FNDC3A: variants seen among roughly 807,000 people sequenced by gnomAD.
FNDC3A encodes fibronectin type-III domain-containing protein 3A.
FNDC3A carries 32 observed loss-of-function variants against 148.9 expected under a neutral mutation model. The ratio of observed to expected loss-of-function variants is 0.21; its 90% confidence interval spans 0.16 to 0.29. FNDC3A has a LOEUF of 0.29. FNDC3A is among the 10% of genes least tolerant of loss of function. The pLI is 1.00. For synonymous variants in FNDC3A, 472 were observed against 473.6 expected (o/e 1.00, Z 0.04); for missense variants, 1,191 against 1,452.8 (o/e 0.82, Z 2.93).
chr13:48,992,414 A>G (rs563995655), intron 1 of FNDC3A, among the ~76,000 whole-genome samples: 1 of 152,348 alleles, frequency 6.6e-6, no homozygotes, highest in East Asian at 1.9e-4. Flanking sequence ...ACTGCTATCT[A>G]GAATATATAA....
In FNDC3A at chr13:49,073,366, T is replaced by C. The variant is rs958576322; in HGVS notation, c.100-1923T>C. 3.9e-5 allele frequency among the ~76,000 whole-genome samples: 6 copies of C among 151,922 alleles called. No individual in the cohort carries two copies. The South Asian group carries it at 1.0e-3, about 26-fold the overall frequency. Reference sequence around the variant, plus strand: ...TTTACAAAAGAGCTGGTAACAAACTTAGACATAACAATCAAAGAAGGATAA... The same window carrying C: ...TTTACAAAAGAGCTGGTAACAAACTCAGACATAACAATCAAAGAAGGATAA... On this transcript the variant is annotated intron_variant, in intron 2 of 25. Transcript: ENST00000492622.
intron 2 of FNDC3A, among the ~76,000 whole-genome samples, chr13:49,048,530 T>C (rs954231833): frequency 6.6e-6 from 1 of 152,168 alleles, no homozygotes; most frequent in South Asian, 2.1e-4. Flanking sequence ...TAGACGTCTT[T>C]CACCTCCTTG....
intron 11 of FNDC3A, among the ~76,000 whole-genome samples, chr13:49,172,661 C>G (rs1378368497): frequency 6.6e-6 from 1 of 152,120 alleles, no homozygotes; most frequent in Non-Finnish European, 1.5e-5. Context: ...ATCTGTCTTC[C>G]TTTTTTAGGA....
chr13:49,165,468 C>T (rs998773747), intron 8 of FNDC3A, among the ~76,000 whole-genome samples: 1 of 152,146 alleles, frequency 6.6e-6, no homozygotes, highest in Non-Finnish European at 1.5e-5. Context: ...TCCACAGTGG[C>T]TTAGGGTGCA....
intron 3 of FNDC3A, among the ~76,000 whole-genome samples, chr13:49,113,143 C>T (rs1222448074): frequency 6.7e-6 from 1 of 148,656 alleles, no homozygotes; most frequent in Non-Finnish European, 1.5e-5. Context: ...TTCTTGTCTT[C>T]TCTTCACTCT....
intron 14 of FNDC3A, among the ~76,000 whole-genome samples, chr13:49,181,916 A>G (rs968078700): frequency 6.6e-6 from 1 of 152,234 alleles, no homozygotes; most frequent in Non-Finnish European, 1.5e-5. Flanking sequence ...TAACCAAAAT[A>G]CTAAAACAAG....
intron 6 of FNDC3A, among the ~76,000 whole-genome samples, chr13:49,137,240 A>G (rs75542376): frequency 0.039 from 5,944 of 152,032 alleles, 354 homozygotes; most frequent in African/African-American, 0.13. Context: ...AGTATTTTTC[A>G]TTTCTTTCTT....
At chr13:49,203,899 G>A (rs1167398239) in intron 25 of FNDC3A, among the ~76,000 whole-genome samples, 1 of 152,166 alleles carries the variant, frequency 6.6e-6, no homozygotes, top group African/African-American at 2.4e-5. Flanking sequence ...AGGTGGTATG[G>A]AGTGACGTAA....
intron 3 of FNDC3A, among the ~76,000 whole-genome samples, chr13:49,079,325 G>C (rs981247259): frequency 3.9e-5 from 6 of 152,160 alleles, no homozygotes; most frequent in Admixed American, 3.9e-4. Flanking sequence ...ACAGTGTCAT[G>C]GGGGAAAAAA....
At chr13:49,084,916 G>A (rs961884460) in intron 3 of FNDC3A, among the ~76,000 whole-genome samples, 5 of 152,020 alleles carry the variant, frequency 3.3e-5, no homozygotes, top group African/African-American at 7.3e-5. Context: ...AACCAGCCCC[G>A]GTGCTTCTGG....
intron 14 of FNDC3A, among the ~76,000 whole-genome samples, chr13:49,179,559 T>C (rs748637320): frequency 2.2e-4 from 33 of 152,242 alleles, no homozygotes; most frequent in Non-Finnish European, 4.1e-4. Flanking sequence ...TGGTGATTTT[T>C]AAAATTTTAT....
At chr13:49,190,064 T>G (rs1440124780) in intron 17 of FNDC3A, among the ~76,000 whole-genome samples, 3 of 152,018 alleles carry the variant, frequency 2.0e-5, no homozygotes, top group Non-Finnish European at 4.4e-5. Flanking sequence ...TTTTTTGTAT[T>G]TTTAGTAGAG....
chr13:49,006,654 C>T (rs1489350481), intron 2 of FNDC3A, among the ~76,000 whole-genome samples: 7 of 151,812 alleles, frequency 4.6e-5, no homozygotes, highest in African/African-American at 7.2e-5. Context: ...AATAATGAAA[C>T]GTTGTCTTTT....
intron 1 of FNDC3A, chr13:48,988,006 T>G (rs892037979): frequency 6.6e-6 from 1 of 152,120 alleles, no homozygotes; most frequent in Non-Finnish European, 1.5e-5. Flanking sequence ...TCATGAAGCG[T>G]TCTGTATTTT....
At chr13:49,046,314 CT>C (rs1457655553) in intron 2 of FNDC3A, 2 of 165,616 alleles carry the variant, frequency 1.2e-5, no homozygotes, top group African/African-American at 4.8e-5. Context: ...TATAAGGCAG[CT>C]TGATTCAGGA....
At position 49,136,524 on chromosome 13, in the gene FNDC3A, G is replaced by T; in HGVS notation, c.683G>T (p.Gly228Val). The part of the protein sequence containing the change: ...HNGLIKGQIA[G>V]GINTGSAKIK... The stretch of plus-strand genomic sequence containing the variant: ...GGACTTATAAAAGGACAAATTGCTG[G>T]TGGTATAAACACAGGATCAGCAAAA... The change falls in exon 6 of 26, where the codon GGT becomes GTT. Residue 228 changes from glycine (G) to valine (V), a missense_variant. Transcript: ENST00000492622. 3 of 1,614,064 alleles carry T rather than the reference G, an allele frequency of 1.9e-6. No individual in the cohort carries two copies. The highest frequency in any genetic ancestry group is 2.5e-6 in the Non-Finnish European group (3 of 1,179,962).
At chr13:48,985,809 C>T (rs752580456) in intron 1 of FNDC3A, among the ~76,000 whole-genome samples, 3 of 152,130 alleles carry the variant, frequency 2.0e-5, no homozygotes, top group Non-Finnish European at 4.4e-5. Context: ...GATTAGGGAT[C>T]AGGAAAGAGT....
At chr13:49,115,182 G>T (rs1304672160) in intron 4 of FNDC3A, among the ~76,000 whole-genome samples, 1 of 81,334 alleles carries the variant, frequency 1.2e-5, no homozygotes, top group African/African-American at 5.8e-5. Flanking sequence ...CCTGAGGGAT[G>T]AGGGGGGGGG....
At chr13:48,975,838 T>C (rs936012979), upstream of FNDC3A, 2 of 150,614 alleles carry the variant, frequency 1.3e-5, no homozygotes, top group Admixed American at 6.6e-5. Context: ...GAGGCGGGGG[T>C]TCGGGGTCCC....
Sources: allele counts gnomAD v4.1 joint callset (sites outside exome capture counted in the v4.1 genomes callset), GRCh38; gene constraint gnomAD v4.1.1; transcripts MANE v1.5; gene names NCBI Gene and HGNC (gene_info 2026-07-23, HGNC 2026-07-21).